PCDH9: variants seen among roughly 807,000 people sequenced by gnomAD.
PCDH9 encodes protocadherin-9.
PCDH9 carries 24 observed loss-of-function variants against 70.6 expected under a neutral mutation model. The observed-to-expected ratio is 0.34, with a 90% CI of 0.25 to 0.48. The LOEUF (loss-of-function observed/expected upper bound fraction) is 0.48, where lower values mean the gene tolerates loss of function less well. Among genes scored for constraint, PCDH9 ranks in the 20% least tolerant of loss-of-function variants. PCDH9 has a pLI of 0.99. For synonymous variants in PCDH9, 562 were observed against 558.5 expected, an observed-to-expected ratio of 1.01 and a Z score of -0.09; for missense variants, 1,281 against 1,503.6, an observed-to-expected ratio of 0.85 and a Z score of 2.45.
chr13:66,345,115 A>G (rs1956192992), intron 4 of PCDH9, among the ~76,000 whole-genome samples: 2 of 152,112 alleles, frequency 1.3e-5, no homozygotes, highest in African/African-American at 4.8e-5. Flanking sequence ...GAGATGTATA[A>G]TTCGGGTAAT....
Position 66,767,577 on chromosome 13 carries a change from A to C in PCDH9, c.3138+135927T>G, listed in dbSNP as rs577979954. Reference sequence around the variant, plus strand: ...TACCTACAGATCCCTTCAAACTTCTAAAAGTACATGGTAGGTACTTTTCAG... The same window carrying C: ...TACCTACAGATCCCTTCAAACTTCTCAAAGTACATGGTAGGTACTTTTCAG... On this transcript the variant is annotated intron_variant, in intron 3 of 4. Transcript: ENST00000377865. 4.6e-5 allele frequency among the ~76,000 whole-genome samples: 7 copies of C among 152,204 alleles called. No homozygotes were observed. In the South Asian group the frequency reaches 1.2e-3, roughly 27 times the overall value.
intron 4 of PCDH9, among the ~76,000 whole-genome samples, chr13:66,628,828 C>T (rs1360860985): frequency 2.0e-5 from 3 of 152,140 alleles, no homozygotes; most frequent in Non-Finnish European, 4.4e-5. Flanking sequence ...CATAATTTTG[C>T]AATTTTTCCT....
chr13:67,152,819 G>A (rs1372485561), intron 2 of PCDH9, among the ~76,000 whole-genome samples: 3 of 152,136 alleles, frequency 2.0e-5, no homozygotes, highest in Non-Finnish European at 2.9e-5. Context: ...GTAAGAATGA[G>A]GAAGATGAGA....
chr13:66,849,233 A>C (rs1485453995), intron 3 of PCDH9, among the ~76,000 whole-genome samples: 1 of 151,916 alleles, frequency 6.6e-6, no homozygotes, highest in Admixed American at 6.6e-5. Context: ...ATCCAGTGAC[A>C]TTCATCTGTT....
chr13:66,487,300 G>T (rs1413269848), intron 4 of PCDH9, among the ~76,000 whole-genome samples: 1 of 152,096 alleles, frequency 6.6e-6, no homozygotes, highest in Non-Finnish European at 1.5e-5. Context: ...AAATATATAG[G>T]TGACATGCAA....
intron 4 of PCDH9, among the ~76,000 whole-genome samples, chr13:66,319,609 A>C (rs1352454871): frequency 6.6e-6 from 1 of 151,932 alleles, no homozygotes; most frequent in Non-Finnish European, 1.5e-5. Flanking sequence ...TTAGTGAGGG[A>C]GACAAGGACC....
intron 3 of PCDH9, among the ~76,000 whole-genome samples, chr13:66,777,189 C>A (rs2079910451): frequency 6.6e-6 from 1 of 151,996 alleles, no homozygotes; most frequent in Non-Finnish European, 1.5e-5. Context: ...AGAAGAAAAG[C>A]TAGGCAATAC....
At chr13:67,128,125 CA>C (rs2087023848) in intron 2 of PCDH9, among the ~76,000 whole-genome samples, 1 of 152,098 alleles carries the variant, frequency 6.6e-6, no homozygotes, top group Non-Finnish European at 1.5e-5. Context: ...CCTGAGTTCC[CA>C]AGTCCCATGA....
rs144881922 is a variant in PCDH9 at position 66,737,268 on chromosome 13, C to T, written c.3139-105857G>A. Among the ~76,000 whole-genome samples the T allele has an allele frequency of 7.9e-5, 12 of 152,276 alleles. 1 individual carries two copies. The highest frequency in any genetic ancestry group is 4.1e-4 in the South Asian group (2 of 4,826). On this transcript the variant is annotated intron_variant, in intron 3 of 4. Coordinates refer to ENST00000377865, the MANE Select transcript of PCDH9 (RefSeq NM_203487.3). ...TTGGTTTTGTCTGGTTTCTGCCATGCCATTAGCATGGTAATTTAAGGTTGA... is the reference window on the plus strand; with the variant it reads ...TTGGTTTTGTCTGGTTTCTGCCATGTCATTAGCATGGTAATTTAAGGTTGA...
intron 4 of PCDH9, among the ~76,000 whole-genome samples, chr13:66,436,440 G>A (rs1836010048): frequency 6.6e-6 from 1 of 152,144 alleles, no homozygotes; most frequent in Non-Finnish European, 1.5e-5. Context: ...TATTCTGTCA[G>A]AGAAGCACCA....
At chr13:66,621,178 A>T (rs1197233364) in intron 4 of PCDH9, among the ~76,000 whole-genome samples, 1 of 152,220 alleles carries the variant, frequency 6.6e-6, no homozygotes, top group Admixed American at 6.5e-5. Flanking sequence ...GCAAGACATG[A>T]GGCTTGCTTC....
chr13:67,082,241 T>A (rs1437465616), intron 2 of PCDH9, among the ~76,000 whole-genome samples: 1 of 152,126 alleles, frequency 6.6e-6, no homozygotes, highest in Non-Finnish European at 1.5e-5. Context: ...GACCAACACC[T>A]CCCTACTTCC....
intron 4 of PCDH9, among the ~76,000 whole-genome samples, chr13:66,554,794 G>T (rs759530936): frequency 7.2e-5 from 11 of 152,088 alleles, no homozygotes; most frequent in Non-Finnish European, 1.6e-4. Context: ...GTGAATAACA[G>T]GTTTTAAATG....
chr13:66,587,023 C>T (rs1048963738), intron 4 of PCDH9, among the ~76,000 whole-genome samples: 17 of 151,908 alleles, frequency 1.1e-4, no homozygotes, highest in African/African-American at 4.1e-4. Flanking sequence ...GTACGGCACC[C>T]GTCAGCTGGG....
chr13:66,454,402 G>A (rs1345512806), intron 4 of PCDH9, among the ~76,000 whole-genome samples: 4 of 152,112 alleles, frequency 2.6e-5, no homozygotes, highest in African/African-American at 4.8e-5. Flanking sequence ...TAGAGGAAAG[G>A]TTGTAGGGAC....
chr13:66,805,722 C>G (rs2080399094), intron 3 of PCDH9, among the ~76,000 whole-genome samples: 1 of 152,112 alleles, frequency 6.6e-6, no homozygotes, highest in Non-Finnish European at 1.5e-5. Context: ...CGTCCTATGT[C>G]CTCATATCAA....
At chr13:66,607,382 G>A (rs544490968) in intron 4 of PCDH9, among the ~76,000 whole-genome samples, 47 of 152,098 alleles carry the variant, frequency 3.1e-4, no homozygotes, top group South Asian at 2.1e-4. Flanking sequence ...TATTATTAAC[G>A]TCCAAACTCT....
chr13:66,432,555 T>C (rs1957790951), intron 4 of PCDH9, among the ~76,000 whole-genome samples: 1 of 151,918 alleles, frequency 6.6e-6, no homozygotes, highest in Non-Finnish European at 1.5e-5. Context: ...GAAAGGCATG[T>C]TGGAAAGGCA....
At chr13:66,492,068 C>T (rs537354642) in intron 4 of PCDH9, among the ~76,000 whole-genome samples, 3 of 151,988 alleles carry the variant, frequency 2.0e-5, no homozygotes, top group African/African-American at 4.8e-5. Context: ...GATTTGTGCT[C>T]GGGTTTCTGA....
Sources: gnomAD v4.1 joint callset for allele counts (sites outside exome capture counted in the v4.1 genomes callset) on GRCh38, gnomAD v4.1.1 for gene constraint, MANE v1.5 for transcripts, NCBI Gene and HGNC (gene_info 2026-07-23, HGNC 2026-07-21) for gene names.